TBC1D4: variants seen among roughly 807,000 people sequenced by gnomAD.
TBC1D4 encodes TBC (Tre-2, BUB2, CDC16) domain-containing protein.
TBC1D4 carries 121 observed loss-of-function variants against 142.5 expected under a neutral mutation model. That is an observed-to-expected ratio of 0.85 (90% CI 0.73 to 0.99). The LOEUF (loss-of-function observed/expected upper bound fraction) is 0.99, where lower values mean the gene tolerates loss of function less well. TBC1D4 is among the 50% of genes least tolerant of loss of function. TBC1D4 has a pLI of 0.00. For synonymous variants in TBC1D4, 630 were observed against 628.2 expected (o/e 1.00, Z -0.04); for missense variants, 1,475 against 1,606.6 (o/e 0.92, Z 1.40).
intron 17 of TBC1D4, among the ~76,000 whole-genome samples, chr13:75,297,605 A>C (rs541939835): frequency 2.6e-5 from 4 of 151,976 alleles, no homozygotes; most frequent in African/African-American, 7.2e-5. Flanking sequence ...AAATACAAAA[A>C]ATTTAGCAGG....
rs965309115 is a variant in TBC1D4, at chr13:75,385,336, G to A, written c.499-22729C>T. Among the ~76,000 whole-genome samples the A allele has an allele frequency of 4.6e-5, 7 of 152,216 alleles. 1 individual carries two copies. Among genetic ancestry groups the A allele is most frequent in the Admixed American group, 2.6e-4 (4 of 15,294 alleles). On this transcript the variant is annotated intron_variant, in intron 1 of 20. Coordinates refer to ENST00000377636, the MANE Select transcript of TBC1D4 (RefSeq NM_014832.5). ...CTAGCACATGGCTCCCACGCAAAACGTTTGTGAAGTGAACTAACCAATGAA... is the reference window on the plus strand; with the variant it reads ...CTAGCACATGGCTCCCACGCAAAACATTTGTGAAGTGAACTAACCAATGAA...
intron 1 of TBC1D4, among the ~76,000 whole-genome samples, chr13:75,446,305 C>T (rs537256885): frequency 6.6e-6 from 1 of 152,292 alleles, no homozygotes; most frequent in Admixed American, 6.5e-5. Flanking sequence ...TTAGAACATT[C>T]GTAATGTTGT....
At position 75,337,047 on chromosome 13, in the gene TBC1D4, AAAG is replaced by A; in HGVS notation, c.1612-10_1612-8del. On this transcript the variant is annotated splice_region_variant and splice_polypyrimidine_tract_variant and intron_variant, in intron 7 of 20. Coordinates refer to ENST00000377636, the MANE Select transcript of TBC1D4 (RefSeq NM_014832.5). ...TTGTACTATTTGAAATAGTCTAAAA[AAAG>A]AAAAACAGATACATTTTAGTTTGGA... The A allele has an allele frequency of 6.2e-7, 1 of 1,611,466 alleles. No individual in the cohort carries two copies. Among genetic ancestry groups the A allele is most frequent in the Non-Finnish European group, 8.5e-7 (1 of 1,178,074 alleles).
chr13:75,349,937 C>T (rs969040797), intron 4 of TBC1D4, among the ~76,000 whole-genome samples: 5 of 152,140 alleles, frequency 3.3e-5, no homozygotes, highest in African/African-American at 1.2e-4. Flanking sequence ...TGAGTCTCAC[C>T]ATTAGGCCAG....
At chr13:75,468,063 C>G (rs1888243034) in intron 1 of TBC1D4, among the ~76,000 whole-genome samples, 3 of 152,094 alleles carry the variant, frequency 2.0e-5, no homozygotes, top group Non-Finnish European at 4.4e-5. Context: ...TTAGCCCTGC[C>G]CTGCCGATTT....
intron 4 of TBC1D4, among the ~76,000 whole-genome samples, chr13:75,349,766 G>A (rs1277905502): frequency 6.6e-6 from 1 of 152,204 alleles, no homozygotes; most frequent in African/African-American, 2.4e-5. Context: ...AACAAAAAGT[G>A]TTAAGTAAAG....
At chr13:75,319,484 T>C (rs1878577198) in intron 12 of TBC1D4, among the ~76,000 whole-genome samples, 1 of 152,208 alleles carries the variant, frequency 6.6e-6, no homozygotes, top group East Asian at 1.9e-4. Context: ...GAACTAGGTG[T>C]TTCCTGTGTC....
At chr13:75,331,197 A>G (rs1037344127) in intron 8 of TBC1D4, among the ~76,000 whole-genome samples, 2 of 152,172 alleles carry the variant, frequency 1.3e-5, no homozygotes, top group Non-Finnish European at 2.9e-5. Context: ...CTTGCACTTT[A>G]TATTAGTAAA....
intron 1 of TBC1D4, among the ~76,000 whole-genome samples, chr13:75,473,060 T>A (rs528246526): frequency 6.6e-6 from 1 of 152,296 alleles, no homozygotes; most frequent in African/African-American, 2.4e-5. Context: ...AGTGGCACAA[T>A]CACGGCTCAC....
chr13:75,324,430 CTT>C, intron 10 of TBC1D4, 29 bp from the exon 11 acceptor site: 1 of 1,611,748 alleles, frequency 6.2e-7, no homozygotes, highest in Non-Finnish European at 8.5e-7. Context: ...GCAAATATGT[CTT>C]AATTTATATT....
chr13:75,465,822 C>T (rs967674249), intron 1 of TBC1D4, among the ~76,000 whole-genome samples: 7 of 152,128 alleles, frequency 4.6e-5, no homozygotes, highest in South Asian at 2.1e-4. Flanking sequence ...GATACAACCT[C>T]GGTCTCCACA....
intron 1 of TBC1D4, among the ~76,000 whole-genome samples, chr13:75,432,991 A>G (rs1404208974): frequency 1.3e-5 from 2 of 151,916 alleles, no homozygotes; most frequent in Admixed American, 6.6e-5. Context: ...TGCTCTTTGC[A>G]TGGTGCCTCT....
rs553075489 is a variant in TBC1D4, at chr13:75,413,255, G to A, written c.499-50648C>T. Among the ~76,000 whole-genome samples the A allele has an allele frequency of 1.4e-4, 22 of 152,040 alleles. No homozygotes were observed. In the South Asian group the frequency reaches 4.4e-3, roughly 30 times the overall value. On this transcript the variant is annotated intron_variant, in intron 1 of 20. Coordinates refer to ENST00000377636, the MANE Select transcript of TBC1D4 (RefSeq NM_014832.5). ...CGGCTCACTGCAACCTCCGTCTCCC[G>A]GGTTCAAGCAATTCTCTTGCCTCAG...
chr13:75,314,182 G>T (rs1593912672), intron 12 of TBC1D4, among the ~76,000 whole-genome samples: 1 of 152,168 alleles, frequency 6.6e-6, no homozygotes, highest in East Asian at 1.9e-4. Flanking sequence ...TGCTGTTAGT[G>T]GCAGGAATAT....
rs1431502044 is a variant in TBC1D4 at position 75,302,396 on chromosome 13, G to A, written c.2758C>T (p.Pro920Ser). ...CAAATTTCTCCTCGTCGACTTTTGGGAACTCCTACAATGAAGGAGATAAAT... is the reference window on the plus strand; with the variant it reads ...CAAATTTCTCCTCGTCGACTTTTGGAAACTCCTACAATGAAGGAGATAAAT... ...DIHTLLKEGV[P>S]KSRRGEIWQF... Residue 920 changes from proline (P) to serine (S), a missense_variant, in exon 16 of 21, where the codon CCC becomes TCC. By Grantham distance (74) the Pro-to-Ser change is moderately conservative. Coordinates refer to ENST00000377636, the MANE Select transcript of TBC1D4 (RefSeq NM_014832.5). The A allele has an allele frequency of 1.2e-6, 2 of 1,614,058 alleles. No individual in the cohort carries two copies. Among genetic ancestry groups the A allele is most frequent in the African/African-American group, 2.7e-5 (2 of 75,012 alleles).
chr13:75,362,645 G>C lies in TBC1D4; in HGVS notation c.499-38C>G. On this transcript the variant is annotated intron_variant, in intron 1 of 20. Coordinates refer to ENST00000377636, the MANE Select transcript of TBC1D4 (RefSeq NM_014832.5). This position sits in a 1 kb window ranked among gnomAD's most constrained non-coding sequence, Gnocchi z 4.2. ...ATTAAAACCCTGATTCTAGTTGAAA[G>C]TTTTGAGACAATTTACATTTACCTA... 7.5e-6 allele frequency: 12 copies of C among 1,608,506 alleles called. No individual in the cohort carries two copies. The highest frequency in any genetic ancestry group is 1.0e-5 in the Non-Finnish European group (12 of 1,177,120).
In TBC1D4 at chr13:75,356,168, G is replaced by A; in HGVS notation, c.1254C>T (p.Phe418=). The A allele has an allele frequency of 6.2e-7, 1 of 1,613,526 alleles. No homozygotes were observed. The highest frequency in any genetic ancestry group is 1.7e-5 in the Admixed American group (1 of 59,910). ...PGLSQYICYV[F]QCASESLVDE... ...TTACCAGAGATTCGCTGGCACACTG[G>A]AATACATAACAAATATACTGGCTAA... Residue 418 remains phenylalanine, a synonymous_variant, in exon 4 of 21, where the codon TTC becomes TTT. Coordinates refer to ENST00000377636, the MANE Select transcript of TBC1D4 (RefSeq NM_014832.5).
At chr13:75,393,732 G>A (rs1007162596) in intron 1 of TBC1D4, among the ~76,000 whole-genome samples, 3 of 152,160 alleles carry the variant, frequency 2.0e-5, no homozygotes, top group East Asian at 1.9e-4. Flanking sequence ...GGGAGTTCGC[G>A]ACCAGCCTGA....
intron 17 of TBC1D4, among the ~76,000 whole-genome samples, chr13:75,297,693 G>A (rs932626862): frequency 6.6e-6 from 1 of 151,224 alleles, no homozygotes; most frequent in African/African-American, 2.4e-5. Flanking sequence ...GGAGGTGGAG[G>A]TTGCAGTGAG....
Sources: allele counts gnomAD v4.1 joint callset (sites outside exome capture counted in the v4.1 genomes callset), GRCh38; gene constraint gnomAD v4.1.1; non-coding constraint Gnocchi (gnomAD v3.1); transcripts MANE v1.5; gene names NCBI Gene and HGNC (gene_info 2026-07-23, HGNC 2026-07-21).